Variants in PML observed in about 807,000 individuals in gnomAD.
The protein encoded by PML is PML nuclear body scaffold.
Under a neutral mutation model 65.2 loss-of-function variants are expected in PML, and 28 were observed. The observed-to-expected ratio is 0.43, with a 90% CI of 0.32 to 0.59. The LOEUF (loss-of-function observed/expected upper bound fraction) is 0.59, where lower values mean the gene tolerates loss of function less well. Among genes scored for constraint, PML ranks in the 20% least tolerant of loss-of-function variants. The pLI, the probability that PML is intolerant of heterozygous loss-of-function variation, is 0.08. For synonymous variants in PML, 500 were observed against 508.8 expected (o/e 0.98, Z 0.23); for missense variants, 1,021 against 1,203.4 (o/e 0.85, Z 2.24).
rs543631733 is a variant in PML at position 74,032,574 on chromosome 15, C to T, written c.1257C>T (p.Pro419=). Residue 419 remains proline (P), a splice_region_variant and synonymous_variant, in exon 5 of 9, where the codon CCC becomes CCT. Transcript: ENST00000268058. ...ACTCAATTTTCCCAACTTTGCAGCC[C>T]GAGGAGGCAGAGAGAGTGAAGGCCC... ...TPRDPIDVDL[P]EEAERVKAQV... The T allele has an allele frequency of 9.9e-6, 16 of 1,613,992 alleles. No individual in the cohort carries two copies. The East Asian group carries it at 1.1e-4, about 11-fold the overall frequency.
At chr15:74,028,384 C>T (rs1238129305) in intron 4 of PML, 1 of 150,654 alleles carries the variant, frequency 6.6e-6, no homozygotes, top group East Asian at 1.9e-4. Context: ...TTTTACATAC[C>T]AGCAGTTTGC....
At chr15:74,022,046 C>T (rs1361543893) in intron 2 of PML, among the ~76,000 whole-genome samples, 1 of 152,234 alleles carries the variant, frequency 6.6e-6, no homozygotes, top group Non-Finnish European at 1.5e-5. Flanking sequence ...CAGCCTCCGC[C>T]TCCCGGGTTC....
rs575181640 is a variant in PML, at chr15:74,003,652, T to A, written c.602+5176T>A. ...TTCCAGATTACTACCAAATTGTTAA[T>A]TTTTTTTTCTTTTGTAAACATCCTT... is the stretch of plus-strand genomic sequence containing the variant. On this transcript the variant is annotated intron_variant, in intron 2 of 8. Coordinates refer to ENST00000268058, the MANE Select transcript of PML (RefSeq NM_033238.3). Among the ~76,000 whole-genome samples the A allele has an allele frequency of 2.8e-3, 417 of 150,092 alleles. 3 individuals are homozygous for A. The highest frequency in any genetic ancestry group is 0.01 in the African/African-American group (398 of 39,770).
Position 73,998,156 on chromosome 15 carries a change from C to T in PML, c.282C>T (p.Pro94=). ...SGMQCPICQA[P]WPLGADTPAL... ...TGCAGTGCCCCATCTGCCAGGCGCC[C>T]TGGCCCCTAGGTGCAGACACACCCG... is the stretch of plus-strand genomic sequence containing the variant. Residue 94 remains proline, a synonymous_variant, in exon 2 of 9, where the codon CCC becomes CCT. Transcript: ENST00000268058. 6.2e-7 allele frequency: 1 copy of T among 1,614,222 alleles called. No individual in the cohort carries two copies. The highest frequency in any genetic ancestry group is 2.2e-5 in the East Asian group (1 of 44,888).
chr15:74,010,185 A>ATTTTTTTTTTTTTTTTTTTTTTT (rs536738558), intron 2 of PML, among the ~76,000 whole-genome samples: 4 of 77,930 alleles, frequency 5.1e-5, no homozygotes, highest in South Asian at 4.4e-4. Context: ...TGCCCAGCTA[A>ATTTTTTTTTTTTTTTTTTTTTTT]TTTTTTTTTT....
intron 2 of PML, among the ~76,000 whole-genome samples, chr15:74,003,903 A>G (rs1302517805): frequency 2.6e-5 from 4 of 152,160 alleles, no homozygotes; most frequent in African/African-American, 9.7e-5. Context: ...CTTTACTTGT[A>G]TGTCCTTCTT....
intron 2 of PML, among the ~76,000 whole-genome samples, chr15:74,011,943 C>T (rs192491505): frequency 1.5e-3 from 222 of 152,304 alleles, no homozygotes; most frequent in African/African-American, 5.1e-3. Context: ...CTAATGACTG[C>T]ACTGAGTTGC....
chr15:74,044,838 C>G lies in PML; in HGVS notation c.2479C>G (p.Leu827Val). The G allele has an allele frequency of 6.2e-7, 1 of 1,613,400 alleles. No individual in the cohort carries two copies. The highest frequency in any genetic ancestry group is 1.1e-5 in the South Asian group (1 of 91,092). The change falls in exon 9 of 9, where the codon CTA becomes GTA. Residue 827 changes from leucine to valine, a missense_variant. Leu to Val is a conservative substitution (Grantham distance 32). Coordinates refer to ENST00000268058, the MANE Select transcript of PML (RefSeq NM_033238.3). ...GGGCCTGAAGAAGTACAGCCGCTAT[C>G]TAAGCCTGCAGACCACCACGTTGCC... Reference protein sequence around the residue: ...QGGLKKYSRYLSLQTTTLPPA... With the variant: ...QGGLKKYSRYVSLQTTTLPPA...
intron 2 of PML, among the ~76,000 whole-genome samples, chr15:74,009,066 C>T (rs568537974): frequency 2.0e-5 from 3 of 152,114 alleles, no homozygotes; most frequent in South Asian, 2.1e-4. Context: ...GGTGTGGAGA[C>T]GGCTGTGGTC....
In PML at chr15:74,045,570, G is replaced by A. The variant is rs914292609; in HGVS notation, c.*562G>A. On this transcript the variant is annotated 3_prime_UTR_variant, in exon 9 of 9. Coordinates refer to ENST00000268058, the MANE Select transcript of PML (RefSeq NM_033238.3). ...GTTCCCTTCTCCTTTCATCCCAGAGGGGCCTCATCAGCAAAGACAGAAACT... is the reference window on the plus strand; with the variant it reads ...GTTCCCTTCTCCTTTCATCCCAGAGAGGCCTCATCAGCAAAGACAGAAACT... 4 of 233,812 alleles carry A rather than the reference G, an allele frequency of 1.7e-5. No individual in the cohort carries two copies. The highest frequency in any genetic ancestry group is 3.4e-5 in the Non-Finnish European group (4 of 118,594). 14.5% of individuals were successfully genotyped at this position (233,812 alleles called of 1,614,324 possible).
At chr15:74,016,578 G>C (rs1347159146) in intron 2 of PML, among the ~76,000 whole-genome samples, 1 of 151,956 alleles carries the variant, frequency 6.6e-6, no homozygotes, top group African/African-American at 2.4e-5. Context: ...ATTGATTATA[G>C]AAAGTTTAGG....
intron 7 of PML, among the ~76,000 whole-genome samples, chr15:74,041,901 C>G (rs1378933637): frequency 6.6e-6 from 1 of 152,228 alleles, no homozygotes; most frequent in Non-Finnish European, 1.5e-5. Context: ...AAGGCCTGCC[C>G]TGGACTCTGT....
In PML at chr15:74,045,900, G is replaced by A. The variant is rs2071765845; in HGVS notation, c.*892G>A. On this transcript the variant is annotated 3_prime_UTR_variant, in exon 9 of 9. Transcript: ENST00000268058. ...TCTGGAATCAGAATCTTCAGGGTGG[G>A]GCCCAGCAGTCTGTGTTTTAACAGG... 4.3e-6 allele frequency: 1 copy of A among 232,404 alleles called. No homozygotes were observed. Among genetic ancestry groups the A allele is most frequent in the South Asian group, 1.8e-4 (1 of 5,516 alleles). 14.4% of individuals were successfully genotyped at this position (232,404 alleles called of 1,614,324 possible).
At chr15:74,036,541 A>C (rs2071566573) in intron 7 of PML, 2 of 926,968 alleles carry the variant, frequency 2.2e-6, no homozygotes, top group African/African-American at 3.4e-5. Flanking sequence ...TGGGCATCAG[A>C]GGTGGGAGGT....
intron 4 of PML, chr15:74,027,986 T>C (rs2071156041): frequency 6.6e-6 from 1 of 152,212 alleles, no homozygotes; most frequent in African/African-American, 2.4e-5. Flanking sequence ...GTTGGGCATC[T>C]AGCTCCAGCA....
chr15:74,023,276 T>TTCCTGCGCCAGGCGCTCTGCC lies in PML; in HGVS notation c.1052_1072dup (p.Cys357_Arg358insLeuLeuArgGlnAlaLeuCys). On this transcript the variant is annotated inframe_insertion, in exon 3 of 9. Transcript: ENST00000268058. ...CCAGGAGGTGCTGGACATGCACGGT[T>TTCCTGCGCCAGGCGCTCTGCC]TCCTGCGCCAGGCGCTCTGCCGCCT... 1 of 1,610,684 alleles carries TTCCTGCGCCAGGCGCTCTGCC rather than the reference T, an allele frequency of 6.2e-7. No individual in the cohort carries two copies. The highest frequency in any genetic ancestry group is 8.5e-7 in the Non-Finnish European group (1 of 1,179,640).
chr15:74,023,489 A>G, intron 3 of PML, 81 bp downstream of exon 3: 3 of 1,137,208 alleles, frequency 2.6e-6, no homozygotes, highest in South Asian at 2.6e-5. Flanking sequence ...GATCATCTCC[A>G]TTTGACAGAA....
At position 74,035,123 on chromosome 15, in the gene PML, G is replaced by T; in HGVS notation, c.1710+593G>T. The T allele has an allele frequency of 8.9e-7, 1 of 1,129,166 alleles. No homozygotes were observed. The highest frequency in any genetic ancestry group is 1.3e-6 in the Non-Finnish European group (1 of 741,498). The allele number at this position is 1,129,166 out of a possible 1,614,324, so 69.9% of individuals were successfully genotyped here. Reference sequence around the variant, plus strand: ...ATAGAGTGAAAGGTTGGACTGGGTGGCCCCTGAGGTCTCTTCCAGCCCTCA... The same window carrying T: ...ATAGAGTGAAAGGTTGGACTGGGTGTCCCCTGAGGTCTCTTCCAGCCCTCA... On this transcript the variant is annotated intron_variant, in intron 7 of 8. Coordinates refer to ENST00000268058, the MANE Select transcript of PML (RefSeq NM_033238.3). This position sits in a 1 kb window ranked among gnomAD's most constrained non-coding sequence, Gnocchi z 4.1.
At position 74,035,661 on chromosome 15, in the gene PML, C is replaced by T. The variant is rs760401435; in HGVS notation, c.1710+1131C>T. ...ACGAGGGGCTGTGCGATCCCGCAGCCGCTCCCTCCGGGGCTCCTCCCATTT... is the reference window on the plus strand; with the variant it reads ...ACGAGGGGCTGTGCGATCCCGCAGCTGCTCCCTCCGGGGCTCCTCCCATTT... On this transcript the variant is annotated intron_variant, in intron 7 of 8. Transcript: ENST00000268058. The surrounding 1 kb of genome is among the most constrained non-coding windows in gnomAD (Gnocchi z 4.1). The T allele has an allele frequency of 1.9e-6, 3 of 1,613,958 alleles. No homozygotes were observed. The highest frequency in any genetic ancestry group is 2.2e-5 in the South Asian group (2 of 91,090).
Sources: allele counts gnomAD v4.1 joint callset (sites outside exome capture counted in the v4.1 genomes callset), GRCh38; gene constraint gnomAD v4.1.1; non-coding constraint Gnocchi (gnomAD v3.1); transcripts MANE v1.5; gene names NCBI Gene and HGNC (gene_info 2026-07-23, HGNC 2026-07-21).